FGF10: variants seen among roughly 807,000 people sequenced by gnomAD.
FGF10 encodes FGF-10.
In FGF10, 2 loss-of-function variants were observed where a neutral mutation model predicts 19.8. The observed-to-expected ratio is 0.10, with a 90% CI of 0.04 to 0.32. The LOEUF is 0.32. FGF10 is among the 10% of genes least tolerant of loss of function. The pLI is 1.00. For missense variants in FGF10, 191 were observed against 246.3 expected (o/e 0.78, Z 1.50); for synonymous variants, 112 against 94.0 (o/e 1.19, Z -1.10).
In FGF10 at chr5:44,362,799, G is replaced by T. The variant is rs868864725; in HGVS notation, c.325+25559C>A. Among the ~76,000 whole-genome samples the T allele has an allele frequency of 4.0e-5, 6 of 150,692 alleles. 1 individual carries two copies. Among genetic ancestry groups the T allele is most frequent in the Middle Eastern group, 3.5e-3 (1 of 284 alleles). On this transcript the variant is annotated intron_variant, in intron 1 of 2. Coordinates refer to ENST00000264664, the MANE Select transcript of FGF10 (RefSeq NM_004465.2). ...GAGAAATTTGAATTGACACTATTCA[G>T]CTCTGAGTGTTCCTACCCTAAACAC... is the stretch of plus-strand genomic sequence containing the variant.
rs537997753 is a variant in FGF10 at position 44,310,706 on chromosome 5, G to A, written c.326-176C>T. On this transcript the variant is annotated intron_variant, in intron 1 of 2. Transcript: ENST00000264664. ...TCTTTTTCAATGTGTCTTAAAACCC[G>A]GCAAGTATTTCCAGCAAATATATAG... 2.6e-4 allele frequency among the ~76,000 whole-genome samples: 40 copies of A among 152,034 alleles called. No individual in the cohort carries two copies. The South Asian group carries it at 4.6e-3, about 17-fold the overall frequency.
At chr5:44,332,478 T>TA (rs1230932314) in intron 1 of FGF10, among the ~76,000 whole-genome samples, 1 of 152,182 alleles carries the variant, frequency 6.6e-6, no homozygotes, top group African/African-American at 2.4e-5. Flanking sequence ...CCAAGCATAC[T>TA]ATCCATTTGG....
intron 1 of FGF10, among the ~76,000 whole-genome samples, chr5:44,350,834 G>T (rs1319139382): frequency 1.3e-5 from 2 of 151,138 alleles, no homozygotes; most frequent in Non-Finnish European, 3.0e-5. Flanking sequence ...TAGCACTTTG[G>T]TTATTTCTTT....
intron 1 of FGF10, among the ~76,000 whole-genome samples, chr5:44,351,308 AAGAT>A (rs1475854164): frequency 6.6e-6 from 1 of 151,600 alleles, no homozygotes; most frequent in African/African-American, 2.4e-5. Flanking sequence ...AACAGATAAT[AAGAT>A]AGATAGACAC....
At chr5:44,349,450 A>C (rs1226972409) in intron 1 of FGF10, among the ~76,000 whole-genome samples, 1 of 13,382 alleles carries the variant, frequency 7.5e-5, no homozygotes, top group Non-Finnish European at 1.9e-4. Context: ...ATATATATAT[A>C]TATATATATA....
chr5:44,318,728 TTAGATCTA>T (rs1236751424), intron 1 of FGF10, among the ~76,000 whole-genome samples: 1 of 152,144 alleles, frequency 6.6e-6, no homozygotes, highest in Non-Finnish European at 1.5e-5. Flanking sequence ...ACTACCTAGA[TTAGATCTA>T]TTATGATACA....
intron 1 of FGF10, among the ~76,000 whole-genome samples, chr5:44,349,470 CAGAATATATATATA>C (rs1741184988): frequency 8.1e-5 from 2 of 24,788 alleles, no homozygotes; most frequent in African/African-American, 1.5e-4. Flanking sequence ...ATATATATAT[CAGAATATATATATA>C]TATCAGAATA....
At chr5:44,353,055 T>G (rs1446043430) in intron 1 of FGF10, among the ~76,000 whole-genome samples, 1 of 151,638 alleles carries the variant, frequency 6.6e-6, no homozygotes, top group Non-Finnish European at 1.5e-5. Flanking sequence ...ATAGTCTCTG[T>G]GTTCTCATTT....
intron 1 of FGF10, among the ~76,000 whole-genome samples, chr5:44,326,609 A>G (rs914810221): frequency 1.3e-5 from 2 of 150,950 alleles, no homozygotes; most frequent in Non-Finnish European, 3.0e-5. Flanking sequence ...AGGTCTCACT[A>G]TGTTGCCTAA....
chr5:44,350,399 G>T (rs1741205368), intron 1 of FGF10, among the ~76,000 whole-genome samples: 1 of 149,880 alleles, frequency 6.7e-6, no homozygotes, highest in African/African-American at 2.4e-5. Context: ...ATAGATACAG[G>T]GAAAAAAATA....
At chr5:44,320,672 A>C (rs1740465163) in intron 1 of FGF10, among the ~76,000 whole-genome samples, 1 of 152,046 alleles carries the variant, frequency 6.6e-6, no homozygotes, top group Non-Finnish European at 1.5e-5. Context: ...CAGATTAAGC[A>C]CCCTGTGTCA....
chr5:44,358,746 G>T (rs1741408137), intron 1 of FGF10, among the ~76,000 whole-genome samples: 1 of 151,450 alleles, frequency 6.6e-6, no homozygotes, highest in Non-Finnish European at 1.5e-5. Flanking sequence ...AAGAATCTGT[G>T]ATTAAAGCCA....
rs555668952 is a variant in FGF10 at position 44,369,343 on chromosome 5, G to A, written c.325+19015C>T. Among the ~76,000 whole-genome samples, 10 of 152,178 alleles carry A rather than the reference G, an allele frequency of 6.6e-5. No individual in the cohort carries two copies. In the East Asian group the frequency reaches 9.7e-4, roughly 15 times the overall value. Reference sequence around the variant, plus strand: ...GTTCCTGAGGAAACTATAGAATCTCGTCAATATTCCTTCTTCATGTTTCCA... The same window carrying A: ...GTTCCTGAGGAAACTATAGAATCTCATCAATATTCCTTCTTCATGTTTCCA... On this transcript the variant is annotated intron_variant, in intron 1 of 2. Transcript: ENST00000264664.
intron 1 of FGF10, among the ~76,000 whole-genome samples, chr5:44,369,095 C>G (rs1447620658): frequency 2.0e-5 from 3 of 152,036 alleles, no homozygotes; most frequent in African/African-American, 7.2e-5. Flanking sequence ...AGAAATGTCA[C>G]TTACATAGAC....
chr5:44,319,621 T>C (rs1740435757), intron 1 of FGF10, among the ~76,000 whole-genome samples: 1 of 152,212 alleles, frequency 6.6e-6, no homozygotes, highest in African/African-American at 2.4e-5. Flanking sequence ...GCTTCCAACA[T>C]GGTATAGAAT....
At position 44,341,968 on chromosome 5, in the gene FGF10, G is replaced by T. The variant is rs866757776; in HGVS notation, c.326-31438C>A. 8.0e-4 allele frequency among the ~76,000 whole-genome samples: 121 copies of T among 151,870 alleles called. 2 individuals carry two copies. Among genetic ancestry groups the T allele is most frequent in the African/African-American group, 2.7e-3 (113 of 41,464 alleles). On this transcript the variant is annotated intron_variant, in intron 1 of 2. Coordinates refer to ENST00000264664, the MANE Select transcript of FGF10 (RefSeq NM_004465.2). ...TGTATGCTTTGCAGAAATACCATTT[G>T]GTGATGATTGAAGGTAGAGAGGGGA...
At chr5:44,348,908 T>A (rs573790811) in intron 1 of FGF10, among the ~76,000 whole-genome samples, 3 of 151,578 alleles carry the variant, frequency 2.0e-5, no homozygotes, top group Admixed American at 1.3e-4. Flanking sequence ...ATCTTATGTG[T>A]CCACTACAAT....
intron 1 of FGF10, among the ~76,000 whole-genome samples, chr5:44,310,900 G>A (rs1561197054): frequency 1.3e-5 from 2 of 152,000 alleles, no homozygotes; most frequent in East Asian, 1.9e-4. Flanking sequence ...ACTTATCAGA[G>A]CCCATATCTG....
Position 44,361,656 on chromosome 5 carries a change from T to C in FGF10, c.325+26702A>G, listed in dbSNP as rs570484007. On this transcript the variant is annotated intron_variant, in intron 1 of 2. Coordinates refer to ENST00000264664, the MANE Select transcript of FGF10 (RefSeq NM_004465.2). ...CCAGGGAGGAGAGAGAAGTCTGTCT[T>C]GCATAGTCTGGCAAGATTTGGAAAC... 2.0e-5 allele frequency among the ~76,000 whole-genome samples: 3 copies of C among 151,802 alleles called. No individual in the cohort carries two copies. The South Asian group carries it at 6.2e-4, about 32-fold the overall frequency.
Sources: allele counts gnomAD v4.1 joint callset (sites outside exome capture counted in the v4.1 genomes callset), GRCh38; gene constraint gnomAD v4.1.1; transcripts MANE v1.5; gene names NCBI Gene and HGNC (gene_info 2026-07-23, HGNC 2026-07-21).